Variants in NAV2 observed in about 807,000 individuals in gnomAD.
NAV2 encodes neuron navigator 2.
Under a neutral mutation model 223.2 loss-of-function variants are expected in NAV2, and 54 were observed. The ratio of observed to expected loss-of-function variants is 0.24; its 90% CI spans 0.19 to 0.30. The LOEUF is 0.30. Among genes scored for constraint, NAV2 ranks in the 10% least tolerant of loss-of-function variants. NAV2 has a pLI of 1.00. For synonymous variants in NAV2, 1,279 were observed against 1,239.3 expected (o/e 1.03, Z -0.67); for missense variants, 2,806 against 3,147.5 (o/e 0.89, Z 2.60).
At chr11:20,075,432 G>A (rs1033956826) in intron 22 of NAV2, among the ~76,000 whole-genome samples, 93 of 151,868 alleles carry the variant, frequency 6.1e-4, no homozygotes, top group African/African-American at 1.9e-3. Flanking sequence ...TAGTAGAGAC[G>A]GGGTTTCACC....
intron 1 of NAV2, among the ~76,000 whole-genome samples, chr11:19,621,807 T>G (rs566363423): frequency 5.9e-5 from 9 of 152,250 alleles, no homozygotes; most frequent in East Asian, 3.9e-4. Context: ...GCTTTTGAAT[T>G]TGTTTGCTCT....
At chr11:20,109,528 T>A (rs6483644) in intron 36 of NAV2, among the ~76,000 whole-genome samples, 20 of 152,126 alleles carry the variant, frequency 1.3e-4, no homozygotes, top group Non-Finnish European at 1.9e-4. Context: ...CATTCCTATT[T>A]TGGGACCAGT....
chr11:19,872,303 T>A (rs973754526), intron 4 of NAV2, among the ~76,000 whole-genome samples: 4 of 152,166 alleles, frequency 2.6e-5, no homozygotes, highest in Non-Finnish European at 4.4e-5. Context: ...AGCAACCTTA[T>A]GGGGTCAGTA....
chr11:19,636,391 G>A (rs531756062), intron 1 of NAV2, among the ~76,000 whole-genome samples: 3 of 152,284 alleles, frequency 2.0e-5, no homozygotes, highest in African/African-American at 7.2e-5. Context: ...ACTCTGGAAG[G>A]GACCCAGGAG....
intron 1 of NAV2, among the ~76,000 whole-genome samples, chr11:19,654,764 G>A (rs1371124257): frequency 6.6e-6 from 1 of 152,164 alleles, no homozygotes; most frequent in Admixed American, 6.5e-5. Context: ...AGACTTAAAT[G>A]TTAGGCCTAA....
At chr11:19,562,176 G>C (rs893599055) in intron 1 of NAV2, among the ~76,000 whole-genome samples, 1 of 152,182 alleles carries the variant, frequency 6.6e-6, no homozygotes, top group Non-Finnish European at 1.5e-5. Flanking sequence ...ACAATCCACA[G>C]TTACAGAACT....
chr11:19,892,698 GT>G, intron 6 of NAV2, 104 bp downstream of exon 6: 2 of 1,265,948 alleles, frequency 1.6e-6, no homozygotes, highest in Non-Finnish European at 2.2e-6. Flanking sequence ...GGTTGCATCT[GT>G]GTTGAGAATG....
intron 1 of NAV2, chr11:19,506,568 TTG>T (rs2043129592): frequency 6.6e-6 from 1 of 152,240 alleles, no homozygotes; most frequent in Admixed American, 6.5e-5. Flanking sequence ...CAGTTGAGTG[TTG>T]TGCCTGGCAC....
At chr11:19,925,578 G>C (rs1035528231) in intron 6 of NAV2, among the ~76,000 whole-genome samples, 1 of 152,058 alleles carries the variant, frequency 6.6e-6, no homozygotes. Flanking sequence ...GTGAAACCCT[G>C]TCTCTACTAA....
intron 1 of NAV2, among the ~76,000 whole-genome samples, chr11:19,564,104 TA>T (rs1439000216): frequency 6.6e-6 from 1 of 151,726 alleles, no homozygotes; most frequent in East Asian, 2.0e-4. Flanking sequence ...CCCCGACCCC[TA>T]CCCCTCCAGG....
At chr11:19,718,260 C>T (rs1338307466) in intron 1 of NAV2, among the ~76,000 whole-genome samples, 2 of 152,152 alleles carry the variant, frequency 1.3e-5, no homozygotes, top group African/African-American at 4.8e-5. Flanking sequence ...CTCTCTCTGG[C>T]TGACCTTCAG....
At chr11:19,969,256 G>A (rs745641061) in intron 10 of NAV2, among the ~76,000 whole-genome samples, 1 of 152,194 alleles carries the variant, frequency 6.6e-6, no homozygotes, top group Non-Finnish European at 1.5e-5. Flanking sequence ...CTCAAGTTCA[G>A]GATGCCTTAG....
At chr11:20,053,866 A>G (rs990156932) in intron 17 of NAV2, among the ~76,000 whole-genome samples, 1 of 152,160 alleles carries the variant, frequency 6.6e-6, no homozygotes, top group Non-Finnish European at 1.5e-5. Flanking sequence ...GTTCCCTCCA[A>G]ACTGAAAGGG....
At chr11:19,895,915 A>G (rs2041941397) in intron 6 of NAV2, among the ~76,000 whole-genome samples, 1 of 151,894 alleles carries the variant, frequency 6.6e-6, no homozygotes. Flanking sequence ...AGGTACCTGG[A>G]TGAGGTCACC....
At chr11:19,570,419 T>G (rs2045391451) in intron 1 of NAV2, among the ~76,000 whole-genome samples, 1 of 152,160 alleles carries the variant, frequency 6.6e-6, no homozygotes, top group South Asian at 2.1e-4. Flanking sequence ...AGATACAACA[T>G]CAAAACCATC....
intron 11 of NAV2, among the ~76,000 whole-genome samples, chr11:20,018,262 G>A (rs1440232783): frequency 6.8e-6 from 1 of 146,734 alleles, no homozygotes; most frequent in Non-Finnish European, 1.5e-5. Flanking sequence ...GCTGAGGCAT[G>A]AGAATCGCTT....
chr11:19,518,159 A>G (rs2043519101), intron 1 of NAV2, among the ~76,000 whole-genome samples: 1 of 152,006 alleles, frequency 6.6e-6, no homozygotes, highest in East Asian at 1.9e-4. Context: ...TGGATAACAG[A>G]CTCCTAGGGG....
intron 6 of NAV2, among the ~76,000 whole-genome samples, chr11:19,894,796 T>C (rs994964855): frequency 6.6e-5 from 10 of 152,210 alleles, no homozygotes; most frequent in African/African-American, 1.9e-4. Flanking sequence ...AGTGGTGTGA[T>C]CTTGGCTCAC....
intron 1 of NAV2, among the ~76,000 whole-genome samples, chr11:19,374,309 GTTTTTTTTT>G (rs10533713): frequency 8.0e-6 from 1 of 124,594 alleles, no homozygotes; most frequent in Non-Finnish European, 1.6e-5. Context: ...TTCCGAAAAG[GTTTTTTTTT>G]TTTTTTTTTT....
Sources: allele counts gnomAD v4.1 joint callset (sites outside exome capture counted in the v4.1 genomes callset), GRCh38; gene constraint gnomAD v4.1.1; transcripts MANE v1.5; gene names NCBI Gene and HGNC (gene_info 2026-07-23, HGNC 2026-07-21).